Variants in SOX5 observed in about 807,000 individuals in gnomAD.
The protein encoded by SOX5 is SRY-box transcription factor 5, also known as transcription factor SOX-5.
In SOX5, 9 loss-of-function variants were observed where a neutral mutation model predicts 92.0. The ratio of observed to expected loss-of-function variants is 0.10; its 90% CI spans 0.06 to 0.17. SOX5 has a LOEUF of 0.17. Among genes scored for constraint, SOX5 ranks in the 10% least tolerant of loss-of-function variants. The pLI is 1.00. For missense variants in SOX5, 642 were observed against 944.5 expected (o/e 0.68, Z 4.20); for synonymous variants, 344 against 336.3 (o/e 1.02, Z -0.25).
intron 3 of SOX5, among the ~76,000 whole-genome samples, chr12:24,240,190 C>T (rs918592391): frequency 6.6e-6 from 1 of 152,130 alleles, no homozygotes. Flanking sequence ...ATAGCCAAAT[C>T]ATATGCTCAA....
intron 6 of SOX5, among the ~76,000 whole-genome samples, chr12:23,725,887 C>T (rs1254243029): frequency 1.3e-5 from 2 of 152,192 alleles, no homozygotes; most frequent in East Asian, 3.9e-4. Context: ...TTTTCAAATG[C>T]TGCTGTAAGC....
At chr12:24,261,783 C>T (rs1942130250) in intron 3 of SOX5, among the ~76,000 whole-genome samples, 1 of 152,204 alleles carries the variant, frequency 6.6e-6, no homozygotes, top group Non-Finnish European at 1.5e-5. Flanking sequence ...ATTCAAGGCT[C>T]CACTCAAATA....
intron 4 of SOX5, among the ~76,000 whole-genome samples, chr12:24,200,423 T>C (rs1047207802): frequency 1.3e-5 from 2 of 152,166 alleles, no homozygotes; most frequent in African/African-American, 4.8e-5. Flanking sequence ...AAGTCAAATA[T>C]ACATATACTT....
chr12:23,642,162 AGTGT>A (rs2080157878), intron 7 of SOX5, among the ~76,000 whole-genome samples: 1 of 151,940 alleles, frequency 6.6e-6, no homozygotes, highest in Non-Finnish European at 1.5e-5. Context: ...TTTCTACCTA[AGTGT>A]GTGTGTTTGT....
At chr12:23,961,138 T>A (rs1946884469) in intron 4 of SOX5, among the ~76,000 whole-genome samples, 1 of 152,136 alleles carries the variant, frequency 6.6e-6, no homozygotes, top group Non-Finnish European at 1.5e-5. Context: ...TATTAAAAAA[T>A]TATTTCACCT....
chr12:23,610,255 G>A (rs1207068691), intron 8 of SOX5, among the ~76,000 whole-genome samples: 3 of 152,010 alleles, frequency 2.0e-5, no homozygotes, highest in Admixed American at 6.6e-5. Context: ...AATACCTAGA[G>A]GTGGTAAATT....
At chr12:23,885,653 C>T (rs930934687) in intron 2 of SOX5, among the ~76,000 whole-genome samples, 1 of 152,130 alleles carries the variant, frequency 6.6e-6, no homozygotes, top group African/African-American at 2.4e-5. Context: ...TTATATCACA[C>T]CTCATCTGCT....
chr12:24,201,703 A>C (rs1420627689), intron 4 of SOX5, among the ~76,000 whole-genome samples: 1 of 152,192 alleles, frequency 6.6e-6, no homozygotes, highest in Non-Finnish European at 1.5e-5. Flanking sequence ...ATTAGTGAGT[A>C]CTACCCCCAT....
intron 2 of SOX5, among the ~76,000 whole-genome samples, chr12:24,287,397 G>A (rs1946008771): frequency 6.6e-6 from 1 of 152,058 alleles, no homozygotes; most frequent in Non-Finnish European, 1.5e-5. Context: ...CTTGGATACA[G>A]AGGAAACATG....
chr12:24,072,746 A>G (rs1941968122), intron 4 of SOX5, among the ~76,000 whole-genome samples: 1 of 152,250 alleles, frequency 6.6e-6, no homozygotes, highest in African/African-American at 2.4e-5. Flanking sequence ...ACATTAATAA[A>G]GTGTCTCACA....
chr12:23,950,974 C>A, upstream of SOX5: 1 of 835,642 alleles, frequency 1.2e-6, no homozygotes, highest in Non-Finnish European at 1.9e-6. Flanking sequence ...TTCACACACG[C>A]ATGCACACAC....
chr12:23,557,994 C>G (rs1265668843), intron 11 of SOX5, among the ~76,000 whole-genome samples: 1 of 139,810 alleles, frequency 7.2e-6, no homozygotes, highest in East Asian at 2.1e-4. Context: ...AAAAAAAAGA[C>G]CCTGGACATG....
At chr12:23,874,453 C>T (rs2096906225) in intron 2 of SOX5, among the ~76,000 whole-genome samples, 1 of 151,732 alleles carries the variant, frequency 6.6e-6, no homozygotes, top group Non-Finnish European at 1.5e-5. Flanking sequence ...TTGAGGGAAG[C>T]CCAATTAAAG....
At chr12:24,159,594 C>A (rs994994021) in intron 4 of SOX5, among the ~76,000 whole-genome samples, 20 of 152,092 alleles carry the variant, frequency 1.3e-4, no homozygotes, top group African/African-American at 4.1e-4. Context: ...AATCACCCAG[C>A]ATCTCATTAA....
At chr12:23,574,099 CATTA>C (rs1948770081) in intron 10 of SOX5, among the ~76,000 whole-genome samples, 1 of 151,532 alleles carries the variant, frequency 6.6e-6, no homozygotes, top group Admixed American at 6.6e-5. Context: ...ATAAATAATA[CATTA>C]GTTATCTATA....
chr12:24,152,159 C>T (rs73056536), intron 4 of SOX5, among the ~76,000 whole-genome samples: 14,587 of 152,092 alleles, frequency 0.096, 939 homozygotes, highest in Admixed American at 0.15. Context: ...CATTACTATC[C>T]TATGTTTTTA....
At chr12:24,420,857 G>A (rs1965802429) in intron 1 of SOX5, among the ~76,000 whole-genome samples, 1 of 152,116 alleles carries the variant, frequency 6.6e-6, no homozygotes, top group African/African-American at 2.4e-5. Context: ...TCAACTCTCT[G>A]GAGCCAGCTG....
intron 6 of SOX5, among the ~76,000 whole-genome samples, chr12:23,666,555 G>T (rs1404096654): frequency 6.6e-6 from 1 of 152,094 alleles, no homozygotes. Context: ...ATGATTATTG[G>T]TTAGTGTTTA....
At chr12:23,544,196 T>C (rs1400723014) in intron 12 of SOX5, among the ~76,000 whole-genome samples, 4 of 152,198 alleles carry the variant, frequency 2.6e-5, no homozygotes, top group Admixed American at 2.0e-4. Flanking sequence ...TCACAGATGA[T>C]AAAACACAAT....
Sources: gnomAD v4.1 joint callset for allele counts (sites outside exome capture counted in the v4.1 genomes callset) on GRCh38, gnomAD v4.1.1 for gene constraint, MANE v1.5 for transcripts, NCBI Gene and HGNC (gene_info 2026-07-23, HGNC 2026-07-21) for gene names.